MYH9: variants seen among roughly 807,000 people sequenced by gnomAD.
MYH9 encodes the protein myosin heavy chain 9, also known as myosin-9.
A neutral mutation model predicts 241.9 loss-of-function variants in MYH9; 29 were observed. The ratio of observed to expected loss-of-function variants is 0.12; its 90% CI spans 0.09 to 0.16. The LOEUF (loss-of-function observed/expected upper bound fraction) is 0.16, where lower values mean the gene tolerates loss of function less well. Among genes scored for constraint, MYH9 ranks in the 10% least tolerant of loss-of-function variants. The probability of loss-of-function intolerance (pLI) is 1.00; values close to 1 mark genes in which losing one functional copy is unlikely to be tolerated. For synonymous variants in MYH9, 1,047 were observed against 1,062.6 expected, an observed-to-expected ratio of 0.99 and a Z score of 0.29; for missense variants, 1,803 against 2,595.5, an observed-to-expected ratio of 0.69 and a Z score of 6.63.
At chr22:36,348,841 G>GGCC in intron 2 of MYH9, 63 bp downstream of exon 2, 1 of 1,041,772 alleles carries the variant, frequency 9.6e-7, no homozygotes, top group African/African-American at 1.6e-5. Context: ...GGGAAGACCC[G>GGCC]CCCCCCCCCC....
chr22:36,316,035 C>CTTTTTT (rs144026849), intron 12 of MYH9, among the ~76,000 whole-genome samples: 2 of 116,990 alleles, frequency 1.7e-5, no homozygotes, highest in Non-Finnish European at 1.7e-5. Flanking sequence ...GAGACCCTGA[C>CTTTTTT]TTTTTTTTTT....
Position 36,300,324 on chromosome 22 carries a change from G to A in MYH9, c.2839-60C>T. The A allele has an allele frequency of 6.2e-7, 1 of 1,604,748 alleles. No individual in the cohort carries two copies. Among genetic ancestry groups the A allele is most frequent in the South Asian group, 1.1e-5 (1 of 91,060 alleles). Reference sequence around the variant, plus strand: ...GCCCAGAGGCATGGCCAAGGTGAAGGCAGCAAGGTCCGAAGGCCAGATCCA... The same window carrying A: ...GCCCAGAGGCATGGCCAAGGTGAAGACAGCAAGGTCCGAAGGCCAGATCCA... On this transcript the variant is annotated intron_variant, in intron 22 of 40. Transcript: ENST00000216181. The surrounding 1 kb of genome is among the most constrained non-coding windows in gnomAD (Gnocchi z 5.0).
At chr22:36,286,018 C>A in intron 35 of MYH9, 65 bp from the exon 36 acceptor site, 1 of 1,564,232 alleles carries the variant, frequency 6.4e-7, no homozygotes, top group Non-Finnish European at 8.7e-7. Context: ...TCCTTCCCAG[C>A]CCCAGGCACC....
chr22:36,321,281 C>G (rs2017246807), intron 7 of MYH9, among the ~76,000 whole-genome samples: 1 of 152,172 alleles, frequency 6.6e-6, no homozygotes, highest in Non-Finnish European at 1.5e-5. Context: ...TCCAAAGGAA[C>G]TGAACTTCAC....
intron 1 of MYH9, among the ~76,000 whole-genome samples, chr22:36,369,522 A>G (rs2018060435): frequency 6.6e-6 from 1 of 151,908 alleles, no homozygotes; most frequent in Non-Finnish European, 1.5e-5. Flanking sequence ...GACAGCAAAA[A>G]CCCAGGTTCC....
At chr22:36,315,945 C>G (rs5756145) in intron 12 of MYH9, among the ~76,000 whole-genome samples, 81,273 of 150,472 alleles carry the variant, frequency 0.54, 24,156 homozygotes, top group Non-Finnish European at 0.68. Context: ...GGCTGAGGTG[C>G]GAGGATCAGT....
chr22:36,301,885 G>A lies in MYH9; in HGVS notation c.2500-220C>T, dbSNP rs74480956. Among the ~76,000 whole-genome samples the A allele has an allele frequency of 0.014, 2,146 of 152,278 alleles. 23 individuals carry two copies. The highest frequency in any genetic ancestry group is 0.058 in the Middle Eastern group (17 of 292). ...AGGGAAACTATCCCTGCGTGTGCGTGAAGATGTTCACCTCGGCATTGTTTA... is the reference window on the plus strand; with the variant it reads ...AGGGAAACTATCCCTGCGTGTGCGTAAAGATGTTCACCTCGGCATTGTTTA... On this transcript the variant is annotated intron_variant, in intron 20 of 40. Transcript: ENST00000216181.
In MYH9 at chr22:36,293,816, C is replaced by T. The variant is rs750947814; in HGVS notation, c.3885G>A (p.Lys1295=). 1.9e-6 allele frequency: 3 copies of T among 1,613,968 alleles called. No homozygotes were observed. Among genetic ancestry groups the T allele is most frequent in the South Asian group, 2.2e-5 (2 of 91,060 alleles). ...VTGLLSQSDS[K]SSKLTKDFSA... ...AGAAGTCCTTGGTGAGCTTGCTGGA[C>T]TTGCTGTCGGACTGGCTGAGAAGCC... The change falls in exon 29 of 41, where the codon AAG becomes AAA. Residue 1295 remains lysine, a synonymous_variant. Coordinates refer to ENST00000216181, the MANE Select transcript of MYH9 (RefSeq NM_002473.6). The surrounding 1 kb of genome is among the most constrained non-coding windows in gnomAD (Gnocchi z 5.1).
At position 36,299,095 on chromosome 22, in the gene MYH9, T is replaced by A. The variant is rs369967273; in HGVS notation, c.2977-53A>T. The stretch of plus-strand genomic sequence containing the variant: ...TAGTGTTGGTTGAGCACAGAACACT[T>A]GCTAGCCTCAAAGCATGACTCGCCC... On this transcript the variant is annotated intron_variant, in intron 23 of 40. Coordinates refer to ENST00000216181, the MANE Select transcript of MYH9 (RefSeq NM_002473.6). 22 of 1,611,846 alleles carry A rather than the reference T, an allele frequency of 1.4e-5. No individual in the cohort carries two copies. In the East Asian group the frequency reaches 1.8e-4, roughly 13 times the overall value.
intron 23 of MYH9, 91 bp from the exon 24 acceptor site, chr22:36,299,133 CTGAA>C: frequency 1.3e-6 from 2 of 1,542,544 alleles, no homozygotes; most frequent in Admixed American, 3.3e-5. Context: ...AAATCTGGGG[CTGAA>C]TGGAGAGGGC....
At chr22:36,284,632 G>A in intron 38 of MYH9, 121 bp from the exon 39 acceptor site, 3 of 906,830 alleles carry the variant, frequency 3.3e-6, no homozygotes, top group Non-Finnish European at 5.3e-6. Flanking sequence ...ACGTAGGGAG[G>A]CCTTTGCTAG....
chr22:36,325,079 C>G (rs1284706682), intron 5 of MYH9: 4 of 774,760 alleles, frequency 5.2e-6, no homozygotes, highest in East Asian at 2.4e-5. Context: ...AAAAGCACAG[C>G]TAGAGAACTC....
chr22:36,347,345 G>A (rs2017693253), intron 2 of MYH9, among the ~76,000 whole-genome samples: 1 of 151,606 alleles, frequency 6.6e-6, no homozygotes, highest in Non-Finnish European at 1.5e-5. Context: ...CTAAAGTGCT[G>A]GACAGAGTCC....
At chr22:36,299,510 C>A (rs1004029406) in intron 23 of MYH9, among the ~76,000 whole-genome samples, 2 of 152,206 alleles carry the variant, frequency 1.3e-5, no homozygotes, top group African/African-American at 4.8e-5. Flanking sequence ...CCCTGCAACA[C>A]CCCTGCCCAG....
At position 36,300,148 on chromosome 22, in the gene MYH9, G is replaced by C. The variant is rs1192579067; in HGVS notation, c.2955C>G (p.Asp985Glu). Reference protein sequence around the residue: ...KLEEEQIILEDQNCKLAKEKK... With the variant: ...KLEEEQIILEEQNCKLAKEKK... ...TCACCTTGGCCAGCTTGCAGTTCTG[G>C]TCCTCCAGGATGATCTGCTCCTCCT... is the stretch of plus-strand genomic sequence containing the variant. The change falls in exon 23 of 41, where the codon GAC becomes GAG. Residue 985 changes from aspartate to glutamate, a missense_variant. Physicochemically the swap from Asp to Glu is conservative, Grantham distance 45. Transcript: ENST00000216181. The surrounding 1 kb of genome is among the most constrained non-coding windows in gnomAD (Gnocchi z 5.0). The C allele has an allele frequency of 6.2e-7, 1 of 1,612,296 alleles. No individual in the cohort carries two copies. The highest frequency in any genetic ancestry group is 8.5e-7 in the Non-Finnish European group (1 of 1,180,018).
intron 13 of MYH9, among the ~76,000 whole-genome samples, chr22:36,313,510 A>G (rs1474963080): frequency 6.6e-6 from 1 of 151,462 alleles, no homozygotes; most frequent in Non-Finnish European, 1.5e-5. Flanking sequence ...CTCAGGCTTC[A>G]TTACAGATCA....
In MYH9 at chr22:36,300,967, C is replaced by A; in HGVS notation, c.2722G>T (p.Ala908Ser). ...EAEELRARLT[A>S]KKQELEEICH... ...ATCTCTTCTAATTCCTGCTTCTTGGCGGTCAGGCGGGCCCGGAGCTCCTCA... is the reference window on the plus strand; with the variant it reads ...ATCTCTTCTAATTCCTGCTTCTTGGAGGTCAGGCGGGCCCGGAGCTCCTCA... The change falls in exon 22 of 41, where the codon GCC (alanine) becomes TCC (serine). Residue 908 changes from alanine to serine, a missense_variant. Ala to Ser is a moderately conservative substitution (Grantham distance 99). Transcript: ENST00000216181. The surrounding 1 kb of genome is among the most constrained non-coding windows in gnomAD (Gnocchi z 5.0). 6.2e-7 allele frequency: 1 copy of A among 1,611,650 alleles called. No homozygotes were observed. Among genetic ancestry groups the A allele is most frequent in the Non-Finnish European group, 8.5e-7 (1 of 1,180,022 alleles).
At chr22:36,297,302 T>C (rs1451554461) in intron 24 of MYH9, 1 of 459,512 alleles carries the variant, frequency 2.2e-6, no homozygotes, top group Non-Finnish European at 3.9e-6. Flanking sequence ...TTGAAGGCTG[T>C]ACCATGTCTG....
intron 5 of MYH9, 107 bp downstream of exon 5, chr22:36,326,461 C>T (rs2017337123): frequency 1.8e-6 from 2 of 1,085,872 alleles, no homozygotes; most frequent in East Asian, 4.7e-5. Flanking sequence ...CTTCATTCCC[C>T]AAAGCATCCT....
Sources: gnomAD v4.1 joint callset for allele counts (sites outside exome capture counted in the v4.1 genomes callset) on GRCh38, gnomAD v4.1.1 for gene constraint, Gnocchi (gnomAD v3.1) non-coding constraint, MANE v1.5 for transcripts, NCBI Gene and HGNC (gene_info 2026-07-23, HGNC 2026-07-21) for gene names.